The following TBX22 variants were observed in gnomAD, a reference collection of about 807,000 sequenced individuals.
TBX22 encodes T-box transcription factor 22, also known as T-box transcription factor TBX22.
Under a neutral mutation model 30.1 loss-of-function variants are expected in TBX22, and 8 were observed. That is an observed-to-expected ratio of 0.27 (90% CI 0.16 to 0.48). The LOEUF is 0.48. TBX22 is among the 20% of genes least tolerant of loss of function. The pLI, the probability that TBX22 is intolerant of heterozygous loss-of-function variation, is 0.99. For missense variants in TBX22, 463 were observed against 400.5 expected, an observed-to-expected ratio of 1.16 and a Z score of -1.33; for synonymous variants, 173 against 149.1, an observed-to-expected ratio of 1.16 and a Z score of -1.17.
chrX:80,019,657 C>T (rs1389245341), intron 1 of TBX22, among the ~76,000 whole-genome samples: 1 of 111,165 alleles, frequency 9.0e-6, no homozygotes, highest in East Asian at 2.8e-4. Context: ...TACCTGACAG[C>T]CCAGTGCTTC....
At chrX:80,023,382 G>C (rs776721191) in intron 3 of TBX22, 142 bp downstream of exon 3, 1 of 603,562 alleles carries the variant, frequency 1.7e-6, no homozygotes, top group South Asian at 2.7e-5. Context: ...ACAGTAGAAA[G>C]CCATAGCCCC....
At chrX:80,019,168 TC>T (rs964073540) in intron 1 of TBX22, among the ~76,000 whole-genome samples, 5 of 111,813 alleles carry the variant, frequency 4.5e-5, no homozygotes, top group Middle Eastern at 4.7e-3. Flanking sequence ...ATTTATTTCT[TC>T]ATGTCACTTA....
chrX:80,025,706 A>T lies in TBX22; in HGVS notation c.562A>T (p.Thr188Ser), dbSNP rs1431456050. The T allele has an allele frequency of 8.3e-7, 1 of 1,210,519 alleles. No individual in the cohort carries two copies. Reference sequence around the variant, plus strand: ...CCCGGACTCACCCTGCTCGGGAGAGACCTGGATGCGGCAGATCATCAGCTT... The same window carrying T: ...CCCGGACTCACCCTGCTCGGGAGAGTCCTGGATGCGGCAGATCATCAGCTT... ...VHPDSPCSGE[T>S]WMRQIISFDR... is the part of the protein sequence containing the mutation. The change falls in exon 5 of 9, where the codon ACC (threonine) becomes TCC (serine). Residue 188 changes from threonine (T) to serine (S), a missense_variant. Coordinates refer to ENST00000373296, the MANE Select transcript of TBX22 (RefSeq NM_001109878.2).
At chrX:80,022,018 T>TA (rs1324518473) in intron 1 of TBX22, among the ~76,000 whole-genome samples, 1 of 91,631 alleles carries the variant, frequency 1.1e-5, no homozygotes, top group African/African-American at 4.3e-5. Flanking sequence ...TATATGTATA[T>TA]AAAAAAATTA....
chrX:80,017,659 G>A (rs1348637363), intron 1 of TBX22, among the ~76,000 whole-genome samples: 3 of 111,317 alleles, frequency 2.7e-5, no homozygotes, highest in African/African-American at 6.5e-5. Flanking sequence ...TTTCTTTTTC[G>A]TTTATTCATT....
intron 5 of TBX22, 116 bp downstream of exon 5, chrX:80,025,893 A>G: frequency 1.5e-6 from 1 of 648,559 alleles, no homozygotes; most frequent in Non-Finnish European, 2.4e-6. Context: ...TTTTTTAGGA[A>G]CTGTTCAAGC....
chrX:80,018,492 G>C (rs1050943806), intron 1 of TBX22, among the ~76,000 whole-genome samples: 2 of 111,942 alleles, frequency 1.8e-5, no homozygotes, highest in Admixed American at 1.9e-4. Flanking sequence ...TTTTGAATCT[G>C]CTTTAGGATT....
chrX:80,028,001 G>A lies in TBX22; in HGVS notation c.874G>A (p.Asp292Asn). ...RDTGRNRGVLDGLLETYPWRP... is the reference protein window; with the variant it reads ...RDTGRNRGVLNGLLETYPWRP... The stretch of plus-strand genomic sequence containing the variant: ...GACTCTCTTTTTTAGGGGTGTATTG[G>A]ATGGGCTTTTAGAGACCTACCCATG... Residue 292 changes from aspartate (D) to asparagine (N), a missense_variant, in exon 8 of 9, where the codon GAT becomes AAT. Physicochemically the swap from Asp to Asn is conservative, Grantham distance 23. Coordinates refer to ENST00000373296, the MANE Select transcript of TBX22 (RefSeq NM_001109878.2). 1.7e-6 allele frequency: 2 copies of A among 1,208,553 alleles called. No individual in the cohort carries two copies. Among genetic ancestry groups the A allele is most frequent in the East Asian group, 3.0e-5 (1 of 33,818 alleles).
Position 80,027,297 on chromosome X carries a change from AT to A in TBX22, c.843del (p.Phe281LeufsTer15). The A allele has an allele frequency of 9.1e-7, 1 of 1,100,898 alleles. No individual in the cohort carries two copies. The highest frequency in any genetic ancestry group is 1.3e-6 in the Non-Finnish European group (1 of 796,031). The allele number at this position is 1,100,898 out of a possible 1,213,427, so 90.7% of individuals were successfully genotyped here. The stretch of plus-strand genomic sequence containing the variant: ...TAGAAAGAAATCCTTTTGCTAAAGG[AT>A]TTAGAGATACTGGAAGAAACAGGTA... ...KIERNPFAKG[F>X]RDTGRNRGVL... On this transcript the variant is annotated frameshift_variant, in exon 7 of 9. Coordinates refer to ENST00000373296, the MANE Select transcript of TBX22 (RefSeq NM_001109878.2). LOFTEE classifies it high-confidence loss of function.
chrX:80,023,554 G>C (rs1420143097), intron 3 of TBX22, among the ~76,000 whole-genome samples: 1 of 111,295 alleles, frequency 9.0e-6, no homozygotes, highest in Admixed American at 9.5e-5. Flanking sequence ...TCTCAGTTAA[G>C]GCCTCTAAGA....
intron 1 of TBX22, among the ~76,000 whole-genome samples, chrX:80,019,299 C>T (rs191129590): frequency 9.1e-6 from 1 of 109,662 alleles, no homozygotes; most frequent in African/African-American, 3.4e-5. Flanking sequence ...GGAGGTCTTT[C>T]CCAAGTAATG....
intron 1 of TBX22, among the ~76,000 whole-genome samples, chrX:80,018,363 T>G (rs979678943): frequency 8.9e-6 from 1 of 112,335 alleles, no homozygotes; most frequent in Non-Finnish European, 1.9e-5. Context: ...AGAAGACATG[T>G]TTCCTATGGA....
Position 80,024,060 on chromosome X carries a change from C to T in TBX22, c.357-3C>T. On this transcript the variant is annotated splice_region_variant and splice_polypyrimidine_tract_variant and intron_variant, in intron 3 of 8. Transcript: ENST00000373296. ...GGGTCAGTCCTTATTTTCTTTCTTA[C>T]AGGCGGATGTTCCCCTCTGTTCGGG... is the stretch of plus-strand genomic sequence containing the variant. The T allele has an allele frequency of 8.3e-7, 1 of 1,209,187 alleles. No homozygotes were observed. The highest frequency in any genetic ancestry group is 1.1e-6 in the Non-Finnish European group (1 of 893,150).
chrX:80,017,366 G>T (rs1923502749), intron 1 of TBX22, among the ~76,000 whole-genome samples: 1 of 108,040 alleles, frequency 9.3e-6, no homozygotes, highest in Non-Finnish European at 1.9e-5. Context: ...ATCTTGCTAT[G>T]TTGCCCAGGA....
chrX:80,018,355 A>G (rs1602405405), intron 1 of TBX22, among the ~76,000 whole-genome samples: 1 of 112,243 alleles, frequency 8.9e-6, no homozygotes, highest in East Asian at 2.8e-4. Context: ...TGTATTCTAG[A>G]AGACATGTTT....
intron 1 of TBX22, among the ~76,000 whole-genome samples, chrX:80,022,027 T>TACACACACACACAC (rs200577659): frequency 1.1e-5 from 1 of 92,949 alleles, no homozygotes; most frequent in Admixed American, 1.2e-4. Flanking sequence ...ATAAAAAAAT[T>TACACACACACACAC]ACACACACAC....
At chrX:80,023,292 T>C in intron 3 of TBX22, 52 bp downstream of exon 3, 1 of 1,116,469 alleles carries the variant, frequency 9.0e-7, no homozygotes, top group Non-Finnish European at 1.2e-6. Context: ...AGGCACTTAA[T>C]TTACCGCTCT....
At chrX:80,029,473 T>C (rs1167565526) in intron 8 of TBX22, among the ~76,000 whole-genome samples, 1 of 112,356 alleles carries the variant, frequency 8.9e-6, no homozygotes, top group African/African-American at 3.2e-5. Context: ...CTTGCAAAAT[T>C]ATTTCCAACT....
rs1329005668 is a variant in TBX22, at chrX:80,031,403, A to C, written c.*292A>C. 6.1e-5 allele frequency: 17 copies of C among 277,210 alleles called. No homozygotes were observed. The highest frequency in any genetic ancestry group is 1.2e-4 in the Admixed American group (2 of 17,132). The allele number at this position is 277,210 out of a possible 1,213,427, so 22.8% of individuals were successfully genotyped here. ...CACCAGTGAAAATTGATGCTAAGTG[A>C]TGGGATTTTCAATTATACTGAAGCT... On this transcript the variant is annotated 3_prime_UTR_variant, in exon 9 of 9. Coordinates refer to ENST00000373296, the MANE Select transcript of TBX22 (RefSeq NM_001109878.2).
Sources: allele counts gnomAD v4.1 joint callset (sites outside exome capture counted in the v4.1 genomes callset), GRCh38; gene constraint gnomAD v4.1.1; transcripts MANE v1.5; gene names NCBI Gene and HGNC (gene_info 2026-07-23, HGNC 2026-07-21).